Variants in FAM184B observed in about 807,000 individuals in gnomAD.
FAM184B encodes the protein protein FAM184B.
In FAM184B, 111 loss-of-function variants were observed where a neutral mutation model predicts 135.9. That is an observed-to-expected ratio of 0.82 (90% confidence interval 0.70 to 0.96). The LOEUF is 0.96. Among genes scored for constraint, FAM184B ranks in the 40% least tolerant of loss-of-function variants. The pLI is 0.00. For synonymous variants in FAM184B, 552 were observed against 524.8 expected (o/e 1.05, Z -0.71); for missense variants, 1,375 against 1,323.9 (o/e 1.04, Z -0.60).
intron 1 of FAM184B, among the ~76,000 whole-genome samples, chr4:17,743,369 G>GT (rs1718089190): frequency 6.6e-6 from 1 of 152,178 alleles, no homozygotes; most frequent in Non-Finnish European, 1.5e-5. Flanking sequence ...GACCTGGAGA[G>GT]TTTTGAACAG....
chr4:17,712,917 G>A (rs1717317993), intron 1 of FAM184B, among the ~76,000 whole-genome samples: 1 of 152,178 alleles, frequency 6.6e-6, no homozygotes, highest in African/African-American at 2.4e-5. Flanking sequence ...ATCATCGACG[G>A]CCAGATGGCA....
chr4:17,760,623 G>A (rs1718524633), intron 1 of FAM184B, among the ~76,000 whole-genome samples: 1 of 152,054 alleles, frequency 6.6e-6, no homozygotes, highest in Non-Finnish European at 1.5e-5. Flanking sequence ...CACATCTCTA[G>A]GACACAGCCT....
chr4:17,690,859 G>A (rs1035953520), intron 6 of FAM184B, among the ~76,000 whole-genome samples: 1 of 152,178 alleles, frequency 6.6e-6, no homozygotes, highest in Admixed American at 6.5e-5. Flanking sequence ...AGGATCGGGT[G>A]TGATGATAGG....
In FAM184B at chr4:17,708,983, T is replaced by C; in HGVS notation, c.803A>G (p.Gln268Arg). 1 of 1,550,854 alleles carries C rather than the reference T, an allele frequency of 6.4e-7. No homozygotes were observed. Among genetic ancestry groups the C allele is most frequent in the South Asian group, 1.2e-5 (1 of 84,056 alleles). The stretch of plus-strand genomic sequence containing the variant: ...CAGGTCTCCTTCCAGCTTCCGGACC[T>C]GAGCCTGCAGGGCTGACTCCTGGAC... ...FQVQESALQA[Q>R]VRKLEGDLEH... The change falls in exon 2 of 18, where the codon CAG (glutamine) becomes CGG (arginine). Residue 268 changes from glutamine to arginine, a missense_variant. Gln to Arg is a conservative substitution (Grantham distance 43, BLOSUM62 1). Transcript: ENST00000265018.
intron 7 of FAM184B, among the ~76,000 whole-genome samples, chr4:17,677,910 A>G (rs2108950979): frequency 6.6e-6 from 1 of 152,352 alleles, no homozygotes; most frequent in East Asian, 1.9e-4. Context: ...AACAATTAAA[A>G]CAAAAAAATC....
chr4:17,739,555 G>GTTTTTGTTTTTTTTTTTTTTTTTTT (rs1553841421), intron 1 of FAM184B, among the ~76,000 whole-genome samples: 2 of 62,510 alleles, frequency 3.2e-5, no homozygotes, highest in African/African-American at 6.2e-5. Flanking sequence ...CATACCAACT[G>GTTTTTGTTTTTTTTTTTTTTTTTTT]TTTTTTTTTT....
intron 1 of FAM184B, among the ~76,000 whole-genome samples, chr4:17,760,514 A>C (rs1296037552): frequency 6.6e-6 from 1 of 151,930 alleles, no homozygotes; most frequent in Non-Finnish European, 1.5e-5. Flanking sequence ...AAAACAAAAA[A>C]CCCTGAAATT....
At chr4:17,680,067 G>A (rs994028370) in intron 7 of FAM184B, among the ~76,000 whole-genome samples, 2 of 152,056 alleles carry the variant, frequency 1.3e-5, no homozygotes, top group African/African-American at 4.8e-5. Flanking sequence ...CTGCACACTG[G>A]GTACAGTGTA....
Position 17,709,040 on chromosome 4 carries a change from T to G in FAM184B, c.746A>C (p.Glu249Ala). The G allele has an allele frequency of 6.5e-7, 1 of 1,549,778 alleles. No individual in the cohort carries two copies. The highest frequency in any genetic ancestry group is 8.7e-7 in the Non-Finnish European group (1 of 1,146,916). ...SVSQALWQWQ[E>A]KESDLRKNFQ... ...GTTCTTGCGGAGGTCCGACTCCTTC[T>G]CCTGCCACTGCCACAGGGCCTGGCT... The change falls in exon 2 of 18, where the codon GAG becomes GCG. Residue 249 changes from glutamate to alanine, a missense_variant. Physicochemically the swap from Glu to Ala is moderately radical, Grantham distance 107. Coordinates refer to ENST00000265018, the MANE Select transcript of FAM184B (RefSeq NM_015688.2).
chr4:17,709,845 T>A (rs559087111), intron 1 of FAM184B, among the ~76,000 whole-genome samples: 222 of 152,226 alleles, frequency 1.5e-3, no homozygotes, highest in Non-Finnish European at 2.4e-3. Flanking sequence ...AGGGAAGGAC[T>A]TGGATTGGGA....
rs1445348139 is a variant in FAM184B at position 17,664,587 on chromosome 4, C to A, written c.1669G>T (p.Gly557Ter). 6.4e-7 allele frequency: 1 copy of A among 1,551,468 alleles called. No individual in the cohort carries two copies. Among genetic ancestry groups the A allele is most frequent in the Non-Finnish European group, 8.7e-7 (1 of 1,146,886 alleles). The change falls in exon 8 of 18, where the codon GGA (glycine) becomes TGA (stop). Residue 557 changes from glycine to a stop codon, truncating the protein, a stop_gained. Transcript: ENST00000265018. LOFTEE classifies it high-confidence loss of function. ...CTTTCTTCTTCATCACTGCTGGTTC[C>A]TTCTTCAGCTGCTAACTTATCTTGA... ...EYQDKLAAEE[G>*]TSSDEEERTK...
At chr4:17,739,555 G>GTTTTTTTTTTTTTTTT (rs397992408) in intron 1 of FAM184B, among the ~76,000 whole-genome samples, 2,428 of 62,476 alleles carry the variant, frequency 0.039, 854 homozygotes, top group Middle Eastern at 0.14. Flanking sequence ...CATACCAACT[G>GTTTTTTTTTTTTTTTT]TTTTTTTTTT....
At chr4:17,674,525 C>T (rs1009980658) in intron 7 of FAM184B, among the ~76,000 whole-genome samples, 1 of 152,140 alleles carries the variant, frequency 6.6e-6, no homozygotes, top group African/African-American at 2.4e-5. Context: ...AAGGCTGGGG[C>T]AGCTGTGGCA....
intron 1 of FAM184B, among the ~76,000 whole-genome samples, chr4:17,718,296 C>A (rs1023236442): frequency 1.3e-5 from 2 of 152,172 alleles, no homozygotes; most frequent in Non-Finnish European, 2.9e-5. Flanking sequence ...GGATTCAAAT[C>A]CAAATCCTTC....
intron 1 of FAM184B, among the ~76,000 whole-genome samples, chr4:17,739,718 CTAA>C (rs975218505): frequency 1.2e-4 from 18 of 151,726 alleles, no homozygotes; most frequent in African/African-American, 4.4e-4. Context: ...TGATGTTCAA[CTAA>C]TTTTTGTATT....
intron 12 of FAM184B, among the ~76,000 whole-genome samples, chr4:17,645,770 T>C (rs1485425089): frequency 6.6e-6 from 1 of 151,890 alleles, no homozygotes; most frequent in African/African-American, 2.4e-5. Flanking sequence ...CAAAAGAAAC[T>C]ACCATCAGAG....
chr4:17,704,854 G>A, intron 5 of FAM184B, 146 bp downstream of exon 5: 1 of 706,980 alleles, frequency 1.4e-6, no homozygotes, highest in South Asian at 1.9e-5. Context: ...TGTTTCATCT[G>A]TGTGTATTCA....
chr4:17,750,061 C>T (rs780081873), intron 1 of FAM184B, among the ~76,000 whole-genome samples: 36 of 152,148 alleles, frequency 2.4e-4, no homozygotes, highest in Non-Finnish European at 4.1e-4. Flanking sequence ...TAAAGATCTG[C>T]ATTAAAGCTT....
intron 1 of FAM184B, among the ~76,000 whole-genome samples, chr4:17,742,743 G>A (rs535144320): frequency 1.3e-5 from 2 of 152,308 alleles, no homozygotes; most frequent in East Asian, 3.9e-4. Flanking sequence ...CCTTTCTGCT[G>A]AGGGCTACAC....
Sources: gnomAD v4.1 joint callset for allele counts (sites outside exome capture counted in the v4.1 genomes callset) on GRCh38, gnomAD v4.1.1 for gene constraint, MANE v1.5 for transcripts, NCBI Gene and HGNC (gene_info 2026-07-23, HGNC 2026-07-21) for gene names.